The following BBS10 variants were observed in gnomAD, a reference collection of about 807,000 sequenced individuals.
The protein encoded by BBS10 is BBSome complex assembly protein BBS10.
BBS10 carries 13 observed loss-of-function variants against 12.7 expected under a neutral mutation model. The ratio of observed to expected loss-of-function variants is 1.03; its 90% CI spans 0.67 to 1.63. The LOEUF is 1.63. BBS10 is among the 40% of genes most tolerant of loss of function. The probability of loss-of-function intolerance (pLI) is 0.00; values close to 1 mark genes in which losing one functional copy is unlikely to be tolerated. For missense variants in BBS10, 858 were observed against 858.0 expected (o/e 1.00, Z 0.00); for synonymous variants, 294 against 304.8 (o/e 0.96, Z 0.37).
At position 76,348,405 on chromosome 12, in the gene BBS10, C is replaced by A; in HGVS notation, c.-47G>T. 1.3e-6 allele frequency: 2 copies of A among 1,542,910 alleles called. No homozygotes were observed. The highest frequency in any genetic ancestry group is 1.7e-6 in the Non-Finnish European group (2 of 1,146,188). ...TGACCAGCTTGCAGAACACCCGGGC[C>A]GACCGAAAACAGGGGTGGGAACGGC... On this transcript the variant is annotated 5_prime_UTR_variant, in exon 1 of 2. Transcript: ENST00000650064.
In BBS10 at chr12:76,347,675, C is replaced by T. The variant is rs1565810233; in HGVS notation, c.310G>A (p.Glu104Lys). The change falls in exon 2 of 2, where the codon GAA becomes AAA. Residue 104 changes from glutamate (E) to lysine (K), a missense_variant. Transcript: ENST00000650064. ...LRGLHAITDREKDPLMCENIQ... is the reference protein window; with the variant it reads ...LRGLHAITDRKKDPLMCENIQ... Reference sequence around the variant, plus strand: ...TTTTCACACATCAAAGGATCCTTTTCTCTGTCTGTGATTGCATGAAGTCCT... The same window carrying T: ...TTTTCACACATCAAAGGATCCTTTTTTCTGTCTGTGATTGCATGAAGTCCT... 1 of 1,613,272 alleles carries T rather than the reference C, an allele frequency of 6.2e-7. No homozygotes were observed. The highest frequency in any genetic ancestry group is 8.5e-7 in the Non-Finnish European group (1 of 1,179,978).
chr12:76,348,054 C>G, intron 1 of BBS10, 108 bp downstream of exon 1: 2 of 1,309,668 alleles, frequency 1.5e-6, no homozygotes, highest in Non-Finnish European at 2.1e-6. Context: ...ACAGCGGTTT[C>G]ACCCGAGGTC....
Position 76,345,704 on chromosome 12 carries a change from T to TA in BBS10, c.*108dup, listed in dbSNP as rs1431618202. 2.3e-4 allele frequency: 229 copies of TA among 981,746 alleles called. No individual in the cohort carries two copies. The highest frequency in any genetic ancestry group is 1.1e-4 in the Non-Finnish European group (70 of 634,038). The allele number at this position is 981,746 out of a possible 1,614,324, so 60.8% of individuals were successfully genotyped here. Reference sequence around the variant, plus strand: ...TGCTTCTTCTAAAGACTTTTAAAGTTACGCTATTTTCCTAAGTAGACTGAA... The same window carrying TA: ...TGCTTCTTCTAAAGACTTTTAAAGTTAACGCTATTTTCCTAAGTAGACTGAA... On this transcript the variant is annotated 3_prime_UTR_variant, in exon 2 of 2. Transcript: ENST00000650064.
chr12:76,346,892 T>C lies in BBS10; in HGVS notation c.1093A>G (p.Thr365Ala). The change falls in exon 2 of 2, where the codon ACT (threonine) becomes GCT (alanine). Residue 365 changes from threonine (T) to alanine (A), a missense_variant. By Grantham distance (58) the Thr-to-Ala change is moderately conservative (BLOSUM62 0). Coordinates refer to ENST00000650064, the MANE Select transcript of BBS10 (RefSeq NM_024685.4). ...GGTTTACAAAATTTCACCAAAGCAG[T>C]GTTAGGTATTTCACACTGCGAAAAG... The part of the protein sequence containing the change: ...QAFSQCEIPN[T>A]ALVKFCKPLI... 3 of 1,613,406 alleles carry C rather than the reference T, an allele frequency of 1.9e-6. No individual in the cohort carries two copies. Among genetic ancestry groups the C allele is most frequent in the Non-Finnish European group, 2.5e-6 (3 of 1,180,022 alleles).
In BBS10 at chr12:76,346,438, G is replaced by GTATC; in HGVS notation, c.1543_1546dup (p.Thr516ArgfsTer7). On this transcript the variant is annotated frameshift_variant, in exon 2 of 2. Transcript: ENST00000650064. LOFTEE classifies it low-confidence loss of function (END_TRUNC). ...TGTCAGCGTTTCAACTGTTTGGAATGTATCTGTTGGTGTCAGTGTGGGGGT... is the reference window on the plus strand; with the variant it reads ...TGTCAGCGTTTCAACTGTTTGGAATGTATCTATCTGTTGGTGTCAGTGTGGGGGT... The GTATC allele has an allele frequency of 6.2e-7, 1 of 1,614,164 alleles. No individual in the cohort carries two copies. Among genetic ancestry groups the GTATC allele is most frequent in the Non-Finnish European group, 8.5e-7 (1 of 1,179,982 alleles).
In BBS10 at chr12:76,346,767, G is replaced by T; in HGVS notation, c.1218C>A (p.Leu406=). 6.2e-7 allele frequency: 1 copy of T among 1,614,126 alleles called. No individual in the cohort carries two copies. The highest frequency in any genetic ancestry group is 8.5e-7 in the Non-Finnish European group (1 of 1,179,994). The change falls in exon 2 of 2, where the codon CTC becomes CTA. Residue 406 remains leucine (L), a synonymous_variant. Coordinates refer to ENST00000650064, the MANE Select transcript of BBS10 (RefSeq NM_024685.4). The part of the protein sequence containing the change: ...SIVLCGPVHG[L]IEQHEDALHG... ...GTAAAGCATCCTCATGTTGTTCAATGAGACCATGCACTGGTCCACAAAGAA... is the reference window on the plus strand; with the variant it reads ...GTAAAGCATCCTCATGTTGTTCAATTAGACCATGCACTGGTCCACAAAGAA...
rs1951762170 is a variant in BBS10 at position 76,346,757 on chromosome 12, G to A, written c.1228C>T (p.His410Tyr). 6.2e-7 allele frequency: 1 copy of A among 1,614,036 alleles called. No individual in the cohort carries two copies. The highest frequency in any genetic ancestry group is 8.5e-7 in the Non-Finnish European group (1 of 1,179,910). The change falls in exon 2 of 2, where the codon CAT (histidine) becomes TAT (tyrosine). Residue 410 changes from histidine to tyrosine, a missense_variant. By Grantham distance (83) the His-to-Tyr change is moderately conservative. Transcript: ENST00000650064. Reference protein sequence around the residue: ...CGPVHGLIEQHEDALHGALKM... With the variant: ...CGPVHGLIEQYEDALHGALKM... ...AGTGCTCCATGTAAAGCATCCTCAT[G>A]TTGTTCAATGAGACCATGCACTGGT...
chr12:76,346,888 G>C lies in BBS10; in HGVS notation c.1097C>G (p.Ala366Gly). Residue 366 changes from alanine to glycine, a missense_variant, in exon 2 of 2, where the codon GCT becomes GGT. By Grantham distance (60) the Ala-to-Gly change is moderately conservative. Transcript: ENST00000650064. Reference sequence around the variant, plus strand: ...AAGAGGTTTACAAAATTTCACCAAAGCAGTGTTAGGTATTTCACACTGCGA... The same window carrying C: ...AAGAGGTTTACAAAATTTCACCAAACCAGTGTTAGGTATTTCACACTGCGA... The part of the protein sequence containing the change: ...AFSQCEIPNT[A>G]LVKFCKPLIL... The C allele has an allele frequency of 6.2e-7, 1 of 1,613,444 alleles. No individual in the cohort carries two copies. Among genetic ancestry groups the C allele is most frequent in the East Asian group, 2.2e-5 (1 of 44,866 alleles).
chr12:76,346,831 C>T lies in BBS10; in HGVS notation c.1154G>A (p.Gly385Asp), dbSNP rs774809155. 2.2e-5 allele frequency: 36 copies of T among 1,613,954 alleles called. No homozygotes were observed. The Admixed American group carries it at 6.0e-4, about 27-fold the overall frequency. The stretch of plus-strand genomic sequence containing the variant: ...TATAAATGCACATGTGCTTATCAAG[C>T]CTAGATGAACATATCTTTTGGATCT... ...ILRSKRYVHLGLISTCAFIPH... is the reference protein window; with the variant it reads ...ILRSKRYVHLDLISTCAFIPH... The change falls in exon 2 of 2, where the codon GGC becomes GAC. Residue 385 changes from glycine (G) to aspartate (D), a missense_variant. Transcript: ENST00000650064.
In BBS10 at chr12:76,346,012, T is replaced by C. The variant is rs886049848; in HGVS notation, c.1973A>G (p.Tyr658Cys). Residue 658 changes from tyrosine (Y) to cysteine (C), a missense_variant, in exon 2 of 2, where the codon TAT becomes TGT. Tyr to Cys is a radical substitution (Grantham distance 194). Coordinates refer to ENST00000650064, the MANE Select transcript of BBS10 (RefSeq NM_024685.4). Reference protein sequence around the residue: ...KTGKYSFPHTYIRAVHALQTN... With the variant: ...KTGKYSFPHTCIRAVHALQTN... ...TTGCAGTGCATGGACAGCTCTTATA[T>C]ATGTATGTGGAAAGCTGTACTTTCC... is the stretch of plus-strand genomic sequence containing the variant. The C allele has an allele frequency of 2.5e-6, 4 of 1,614,040 alleles. No homozygotes were observed. The highest frequency in any genetic ancestry group is 1.7e-5 in the Admixed American group (1 of 60,030).
rs1254886838 is a variant in BBS10, at chr12:76,347,641, G to A, written c.344C>T (p.Thr115Ile). 5.0e-6 allele frequency: 8 copies of A among 1,613,424 alleles called. No homozygotes were observed. The highest frequency in any genetic ancestry group is 6.8e-6 in the Non-Finnish European group (8 of 1,179,972). The change falls in exon 2 of 2, where the codon ACC becomes ATC. Residue 115 changes from threonine to isoleucine, a missense_variant. Physicochemically the swap from Thr to Ile is moderately conservative, Grantham distance 89. Transcript: ENST00000650064. ...KDPLMCENIQ[T>I]HGRHWKNCSR... The stretch of plus-strand genomic sequence containing the variant: ...ACAATTTTTCCAATGCCTTCCATGG[G>A]TTTGAATGTTTTCACACATCAAAGG...
At position 76,348,013 on chromosome 12, in the gene BBS10, T is replaced by C. The variant is rs1230070920; in HGVS notation, c.197+149A>G. On this transcript the variant is annotated intron_variant, in intron 1 of 1. Coordinates refer to ENST00000650064, the MANE Select transcript of BBS10 (RefSeq NM_024685.4). Reference sequence around the variant, plus strand: ...TGGTAAGATTTGGGGTGCAGGAGTGTTCCCTTGGGCAGGGCTCTAATTCCG... The same window carrying C: ...TGGTAAGATTTGGGGTGCAGGAGTGCTCCCTTGGGCAGGGCTCTAATTCCG... The C allele has an allele frequency of 4.0e-6, 4 of 1,001,568 alleles. No individual in the cohort carries two copies. In the African/African-American group the frequency reaches 6.5e-5, roughly 16 times the overall value. The allele number at this position is 1,001,568 out of a possible 1,614,324, so 62.0% of individuals were successfully genotyped here. A position where few individuals can be genotyped will look rare whatever the true frequency, so the allele number is the denominator to read the frequency against.
At position 76,347,043 on chromosome 12, in the gene BBS10, T is replaced by C. The variant is rs748249273; in HGVS notation, c.942A>G (p.Lys314=). The change falls in exon 2 of 2, where the codon AAA becomes AAG. Residue 314 remains lysine (K), a synonymous_variant. Transcript: ENST00000650064. ...CATAATAACTAACTAAATCTGGTTG[T>C]TTCACACTAGATATGAGCAATTTTA... ...QNVKLLISSV[K]QPDLVSYYAG... The C allele has an allele frequency of 6.8e-6, 11 of 1,613,056 alleles. No homozygotes were observed. The highest frequency in any genetic ancestry group is 1.3e-5 in the African/African-American group (1 of 74,926).
Position 76,345,567 on chromosome 12 carries a change from CAG to C in BBS10, c.*244_*245del, listed in dbSNP as rs1385483128. The C allele has an allele frequency of 2.1e-6, 1 of 465,794 alleles. No individual in the cohort carries two copies. Among genetic ancestry groups the C allele is most frequent in the African/African-American group, 2.0e-5 (1 of 50,764 alleles). 28.9% of individuals were successfully genotyped at this position (465,794 alleles called of 1,614,324 possible). On this transcript the variant is annotated 3_prime_UTR_variant, in exon 2 of 2. Coordinates refer to ENST00000650064, the MANE Select transcript of BBS10 (RefSeq NM_024685.4). Reference sequence around the variant, plus strand: ...CATAGGCTAACACAGAGCTGAGACACAGAGGCATAAAATAGGGAAAAAACAGA... The same window carrying C: ...CATAGGCTAACACAGAGCTGAGACACAGGCATAAAATAGGGAAAAAACAGA...
Position 76,348,329 on chromosome 12 carries a change from A to G in BBS10, c.30T>C (p.Ser10=). The G allele has an allele frequency of 6.2e-7, 1 of 1,605,802 alleles. No individual in the cohort carries two copies. The highest frequency in any genetic ancestry group is 8.5e-7 in the Non-Finnish European group (1 of 1,176,004). ...CGGCCACCTGCAACGCCGCCTTCAC[A>G]GACCCTGCAGCGGCCATAGAACTTA... The part of the protein sequence containing the change: MLSSMAAAG[S]VKAALQVAEV... The change falls in exon 1 of 2, where the codon TCT becomes TCC. Residue 10 remains serine (S), a synonymous_variant. Transcript: ENST00000650064.
In BBS10 at chr12:76,345,498, A is replaced by G; in HGVS notation, c.*315T>C. ...AGGAGGGCTGGAGTGAAAAAGATACAGGAGAGTAAAAAGGAGCTATAAAGA... is the reference window on the plus strand; with the variant it reads ...AGGAGGGCTGGAGTGAAAAAGATACGGGAGAGTAAAAAGGAGCTATAAAGA... On this transcript the variant is annotated 3_prime_UTR_variant, in exon 2 of 2. Coordinates refer to ENST00000650064, the MANE Select transcript of BBS10 (RefSeq NM_024685.4). 3.5e-6 allele frequency: 1 copy of G among 289,826 alleles called. No homozygotes were observed. Among genetic ancestry groups the G allele is most frequent in the Non-Finnish European group, 6.7e-6 (1 of 149,090 alleles). 18.0% of individuals were successfully genotyped at this position (289,826 alleles called of 1,614,324 possible).
rs1214116913 is a variant in BBS10, at chr12:76,347,147, C to A, written c.838G>T (p.Glu280Ter). 6.2e-7 allele frequency: 1 copy of A among 1,611,542 alleles called. No homozygotes were observed. Among genetic ancestry groups the A allele is most frequent in the Admixed American group, 1.7e-5 (1 of 60,020 alleles). ...TSGSEFILNS[E>*]AQFQTSQFWI... The stretch of plus-strand genomic sequence containing the variant: ...AATTGAGATGTCTGAAACTGTGCTT[C>A]TGAATTTAGAATAAACTCTGATCCA... Residue 280 changes from glutamate to a stop codon, truncating the protein, a stop_gained, in exon 2 of 2, where the codon GAA becomes TAA. Transcript: ENST00000650064. LOFTEE classifies it low-confidence loss of function (END_TRUNC).
chr12:76,346,989 C>A lies in BBS10; in HGVS notation c.996G>T (p.Glu332Asp). The A allele has an allele frequency of 1.2e-6, 2 of 1,611,590 alleles. No individual in the cohort carries two copies. The highest frequency in any genetic ancestry group is 1.7e-6 in the Non-Finnish European group (2 of 1,179,978). Residue 332 changes from glutamate (E) to aspartate (D), a missense_variant, in exon 2 of 2, where the codon GAG becomes GAT. By Grantham distance (45) the Glu-to-Asp change is conservative. Transcript: ENST00000650064. ...YAGVNGISVV[E>D]CLSSEEVSLI... is the part of the protein sequence containing the mutation. ...GAGAAACTTCTTCTGATGATAAACA[C>A]TCAACCACTGATATGCCATTCACCC...
chr12:76,346,110 T>A lies in BBS10; in HGVS notation c.1875A>T (p.Glu625Asp). The A allele has an allele frequency of 6.2e-7, 1 of 1,609,426 alleles. No homozygotes were observed. Among genetic ancestry groups the A allele is most frequent in the Non-Finnish European group, 8.5e-7 (1 of 1,178,524 alleles). The change falls in exon 2 of 2, where the codon GAA becomes GAT. Residue 625 changes from glutamate (E) to aspartate (D), a missense_variant. Glu to Asp is a conservative substitution (Grantham distance 45). Coordinates refer to ENST00000650064, the MANE Select transcript of BBS10 (RefSeq NM_024685.4). ...CTATTATCATACTAACCATGGTTTC[T>A]TCTGATTGATGGCATTTTTTGGCAT... ...LNYAKKCHQS[E>D]ETMVSMIIAN...
Sources: allele counts gnomAD v4.1 joint callset, GRCh38; gene constraint gnomAD v4.1.1; transcripts MANE v1.5; gene names NCBI Gene and HGNC (gene_info 2026-07-23, HGNC 2026-07-21).